LSM3: variants seen among roughly 807,000 people sequenced by gnomAD.
The protein encoded by LSM3 is LSM3 homolog, U6 small nuclear RNA and mRNA degradation associated.
Under a neutral mutation model 15.4 loss-of-function variants are expected in LSM3, and 14 were observed. That is an observed-to-expected ratio of 0.91 (90% CI 0.60 to 1.42). The LOEUF is 1.42. LSM3 is among the 40% of genes most tolerant of loss of function. LSM3 has a pLI of 0.00. For synonymous variants in LSM3, 46 were observed against 45.1 expected (o/e 1.02, Z -0.08); for missense variants, 88 against 127.9 (o/e 0.69, Z 1.50).
At position 14,200,565 on chromosome 3, in the gene LSM3, A is replaced by C. The variant is rs1697225854; in HGVS notation, c.*2449A>C. ...AAGGGAAGCCTCTTCAGCAAGTATC[A>C]TGCCTGGATCCCGGTCTTGGTTGTT... On this transcript the variant is annotated 3_prime_UTR_variant, in exon 4 of 4. Coordinates refer to ENST00000306024, the MANE Select transcript of LSM3 (RefSeq NM_014463.3). 1 of 146,436 alleles carries C rather than the reference A, an allele frequency of 6.8e-6. No homozygotes were observed. The highest frequency in any genetic ancestry group is 1.5e-5 in the Non-Finnish European group (1 of 68,036). The allele number at this position is 146,436 out of a possible 1,614,324, so 9.1% of individuals were successfully genotyped here. A position where few individuals can be genotyped will look rare whatever the true frequency, so the allele number is the denominator to read the frequency against.
intron 3 of LSM3, among the ~76,000 whole-genome samples, chr3:14,196,255 C>T (rs1431672973): frequency 4.6e-5 from 7 of 152,162 alleles, no homozygotes; most frequent in Non-Finnish European, 2.9e-5. Context: ...CGTGCCTGGC[C>T]GAGTTTTGTG....
rs1127122 is a variant in LSM3, at chr3:14,200,942, A to G, written c.*2826A>G. The G allele has an allele frequency of 0.66, 99,917 of 152,024 alleles. 33,154 individuals carry two copies. Among genetic ancestry groups the G allele is most frequent in the African/African-American group, 0.73 (30,306 of 41,448 alleles). 9.4% of individuals were successfully genotyped at this position (152,024 alleles called of 1,614,324 possible). On this transcript the variant is annotated 3_prime_UTR_variant, in exon 4 of 4. Transcript: ENST00000306024. Reference sequence around the variant, plus strand: ...AGCCCAGGAGTTCGAGATCAGCCTGAGCAACATAACAAGACCCTGTCTCAA... The same window carrying G: ...AGCCCAGGAGTTCGAGATCAGCCTGGGCAACATAACAAGACCCTGTCTCAA...
chr3:14,193,742 T>G (rs1341425120), intron 3 of LSM3, among the ~76,000 whole-genome samples: 2 of 152,112 alleles, frequency 1.3e-5, no homozygotes, highest in Non-Finnish European at 2.9e-5. Flanking sequence ...TAGCTCGGAG[T>G]TGTTTGTTAT....
rs1185857424 is a variant in LSM3, at chr3:14,198,948, T to C, written c.*832T>C. The C allele has an allele frequency of 6.6e-6, 1 of 151,986 alleles. No homozygotes were observed. Among genetic ancestry groups the C allele is most frequent in the Non-Finnish European group, 1.5e-5 (1 of 68,020 alleles). The allele number at this position is 151,986 out of a possible 1,614,324, so 9.4% of individuals were successfully genotyped here. A position where few individuals can be genotyped will look rare whatever the true frequency, so the allele number is the denominator to read the frequency against. On this transcript the variant is annotated 3_prime_UTR_variant, in exon 4 of 4. Transcript: ENST00000306024. ...TTGCAGGCAGTAAGATTAGTGCTGA[T>C]AGAATCATGCACATGCAGGATGCCA...
intron 3 of LSM3, among the ~76,000 whole-genome samples, chr3:14,184,756 CAA>C (rs959190131): frequency 4.4e-5 from 4 of 90,828 alleles, no homozygotes; most frequent in Admixed American, 1.2e-4. Flanking sequence ...GACTCCGTCT[CAA>C]AAAAAAAAAA....
intron 1 of LSM3, 120 bp downstream of exon 1, chr3:14,179,001 C>A: frequency 1.8e-6 from 2 of 1,112,480 alleles, no homozygotes; most frequent in South Asian, 1.3e-5. Context: ...CTAATCCACC[C>A]TGTCCTTTCC....
rs960894895 is a variant in LSM3 at position 14,196,158 on chromosome 3, C to G, written c.229-1878C>G. Among the ~76,000 whole-genome samples, 3 of 151,892 alleles carry G rather than the reference C, an allele frequency of 2.0e-5. No individual in the cohort carries two copies. The South Asian group carries it at 6.2e-4, about 32-fold the overall frequency. ...ATTTTTAGTAGAGACGGGGTTTCACCGTGTTAGCCAGGATGGTCTTGATCT... is the reference window on the plus strand; with the variant it reads ...ATTTTTAGTAGAGACGGGGTTTCACGGTGTTAGCCAGGATGGTCTTGATCT... On this transcript the variant is annotated intron_variant, in intron 3 of 3. Coordinates refer to ENST00000306024, the MANE Select transcript of LSM3 (RefSeq NM_014463.3).
chr3:14,198,027 C>A lies in LSM3; in HGVS notation c.229-9C>A. The A allele has an allele frequency of 1.3e-6, 2 of 1,592,242 alleles. No homozygotes were observed. The highest frequency in any genetic ancestry group is 1.7e-6 in the Non-Finnish European group (2 of 1,167,708). On this transcript the variant is annotated splice_polypyrimidine_tract_variant and intron_variant, in intron 3 of 3. Transcript: ENST00000306024. The stretch of plus-strand genomic sequence containing the variant: ...GTACAAATATGTTCTGTTTTTTTTT[C>A]TCTTCTAGTCAACGAAACGGAATAT...
In LSM3 at chr3:14,181,553, T is replaced by C. The variant is rs774791737; in HGVS notation, c.22-7T>C. On this transcript the variant is annotated splice_region_variant and splice_polypyrimidine_tract_variant and intron_variant, in intron 1 of 3. Coordinates refer to ENST00000306024, the MANE Select transcript of LSM3 (RefSeq NM_014463.3). ...TACTACATTACTAATCCTGTTTCTT[T>C]TATCAGCAACAAACTACCAACACTG... The C allele has an allele frequency of 8.5e-5, 135 of 1,581,838 alleles. No homozygotes were observed. The highest frequency in any genetic ancestry group is 1.0e-4 in the Non-Finnish European group (120 of 1,150,874).
chr3:14,190,586 C>T (rs544663977), intron 3 of LSM3, among the ~76,000 whole-genome samples: 1 of 152,214 alleles, frequency 6.6e-6, no homozygotes, highest in South Asian at 2.1e-4. Context: ...CATAATTTGG[C>T]TATTTGTCTG....
chr3:14,180,180 C>G (rs1009493887), intron 1 of LSM3, among the ~76,000 whole-genome samples: 1 of 152,192 alleles, frequency 6.6e-6, no homozygotes, highest in Non-Finnish European at 1.5e-5. Context: ...ACCATCCCTT[C>G]CATGTGGGTG....
At chr3:14,193,595 C>T (rs1420829134) in intron 3 of LSM3, among the ~76,000 whole-genome samples, 5 of 152,078 alleles carry the variant, frequency 3.3e-5, no homozygotes, top group East Asian at 1.9e-4. Flanking sequence ...TTATTCTTTG[C>T]GAAGTTCTTG....
At chr3:14,193,692 G>C (rs1005357151) in intron 3 of LSM3, among the ~76,000 whole-genome samples, 2 of 152,042 alleles carry the variant, frequency 1.3e-5, no homozygotes, top group Non-Finnish European at 2.9e-5. Flanking sequence ...CTTTTTTCAA[G>C]GTTCTTAGCT....
At chr3:14,191,440 A>C (rs995648600) in intron 3 of LSM3, among the ~76,000 whole-genome samples, 1 of 152,090 alleles carries the variant, frequency 6.6e-6, no homozygotes, top group Admixed American at 6.6e-5. Context: ...GTAGGCTATT[A>C]ATTACTGCCT....
At chr3:14,189,897 C>T (rs550891466) in intron 3 of LSM3, among the ~76,000 whole-genome samples, 1 of 152,178 alleles carries the variant, frequency 6.6e-6, no homozygotes, top group South Asian at 2.1e-4. Context: ...AATGGTATTG[C>T]CCGGGTTTTC....
intron 3 of LSM3, among the ~76,000 whole-genome samples, chr3:14,189,488 C>T (rs189917455): frequency 4.6e-5 from 7 of 152,104 alleles, no homozygotes; most frequent in African/African-American, 7.2e-5. Flanking sequence ...TTTTAATGAT[C>T]GCCATTCTAA....
intron 3 of LSM3, among the ~76,000 whole-genome samples, chr3:14,189,034 T>C (rs1436778877): frequency 2.0e-5 from 3 of 152,166 alleles, no homozygotes; most frequent in South Asian, 2.1e-4. Context: ...CTCTCACTTA[T>C]GAGTGAGAAC....
intron 2 of LSM3, 99 bp from the exon 3 acceptor site, chr3:14,183,838 A>G (rs1697061663): frequency 1.3e-6 from 1 of 766,412 alleles, no homozygotes; most frequent in South Asian, 2.3e-5. Flanking sequence ...TAAGTATCAA[A>G]TGCCCTAGTT....
chr3:14,193,012 A>T (rs1046086632), intron 3 of LSM3, among the ~76,000 whole-genome samples: 38 of 152,124 alleles, frequency 2.5e-4, no homozygotes, highest in Non-Finnish European at 4.7e-4. Flanking sequence ...TCTGTAAAGG[A>T]TTTTATTTAT....
Sources: allele counts gnomAD v4.1 joint callset (sites outside exome capture counted in the v4.1 genomes callset), GRCh38; gene constraint gnomAD v4.1.1; transcripts MANE v1.5; gene names NCBI Gene and HGNC (gene_info 2026-07-23, HGNC 2026-07-21).